DLG2: variants seen among roughly 807,000 people sequenced by gnomAD.
DLG2 encodes the protein discs large MAGUK scaffold protein 2, also known as disks large homolog 2.
Under a neutral mutation model 132.5 loss-of-function variants are expected in DLG2, and 45 were observed. That is an observed-to-expected ratio of 0.34 (90% CI 0.27 to 0.44). The LOEUF is 0.44. Ranked by LOEUF, DLG2 falls within the 20% of genes least tolerant of loss-of-function variation. DLG2 has a pLI of 1.00. For missense variants in DLG2, 1,045 were observed against 1,196.9 expected (o/e 0.87, Z 1.87); for synonymous variants, 424 against 419.6 (o/e 1.01, Z -0.13).
chr11:84,164,630 A>C (rs2095620901), intron 8 of DLG2, among the ~76,000 whole-genome samples: 1 of 152,220 alleles, frequency 6.6e-6, no homozygotes, highest in Admixed American at 6.5e-5. Context: ...CTAAGTAATT[A>C]ATTTACTTGT....
intron 11 of DLG2, among the ~76,000 whole-genome samples, chr11:84,037,492 A>T (rs1259964718): frequency 6.6e-6 from 1 of 152,156 alleles, no homozygotes; most frequent in East Asian, 1.9e-4. Flanking sequence ...GAATCTGTTC[A>T]GACTGTTTAT....
chr11:85,618,973 T>G (rs2081522957), intron 2 of DLG2, among the ~76,000 whole-genome samples: 1 of 152,236 alleles, frequency 6.6e-6, no homozygotes, highest in Non-Finnish European at 1.5e-5. Context: ...TCCCAATAGA[T>G]ATGTAAAATA....
intron 18 of DLG2, among the ~76,000 whole-genome samples, chr11:83,706,571 G>A (rs1473891397): frequency 6.6e-6 from 1 of 152,190 alleles, no homozygotes; most frequent in African/African-American, 2.4e-5. Flanking sequence ...TTCATTTTGA[G>A]CAGTGATCCT....
intron 6 of DLG2, among the ~76,000 whole-genome samples, chr11:84,678,381 C>A (rs972288171): frequency 3.3e-5 from 5 of 151,998 alleles, no homozygotes; most frequent in African/African-American, 1.2e-4. Context: ...GGTTAGCACA[C>A]CAGGGAGACA....
chr11:83,869,714 C>G (rs76742274), intron 16 of DLG2, among the ~76,000 whole-genome samples: 1 of 152,140 alleles, frequency 6.6e-6, no homozygotes, highest in African/African-American at 2.4e-5. Context: ...GTTAGACAAA[C>G]TATTTATTCC....
At chr11:83,610,267 C>A (rs564704124) in intron 19 of DLG2, among the ~76,000 whole-genome samples, 1 of 152,208 alleles carries the variant, frequency 6.6e-6, no homozygotes, top group East Asian at 1.9e-4. Flanking sequence ...ACGTGAAAAA[C>A]ATCTAAAAGC....
At chr11:84,578,807 C>A (rs988831013) in intron 6 of DLG2, among the ~76,000 whole-genome samples, 40 of 152,000 alleles carry the variant, frequency 2.6e-4, no homozygotes, top group Admixed American at 2.6e-3. Flanking sequence ...TTTGAGGGGC[C>A]AGGGGTAGAA....
chr11:84,105,760 A>G (rs1303648596), intron 9 of DLG2, among the ~76,000 whole-genome samples: 3 of 152,108 alleles, frequency 2.0e-5, no homozygotes, highest in Non-Finnish European at 4.4e-5. Context: ...TCTATTTGAT[A>G]AATATTGAAA....
intron 6 of DLG2, among the ~76,000 whole-genome samples, chr11:84,919,300 G>GA (rs1415704501): frequency 6.6e-6 from 1 of 151,978 alleles, no homozygotes; most frequent in South Asian, 2.1e-4. Flanking sequence ...TCACAGATGA[G>GA]AAAAAACTAA....
chr11:85,358,119 G>A (rs1171210710), intron 3 of DLG2, among the ~76,000 whole-genome samples: 2 of 152,006 alleles, frequency 1.3e-5, no homozygotes, highest in Non-Finnish European at 1.5e-5. Context: ...GGGAAGAAGA[G>A]AAGAAGGAAA....
intron 4 of DLG2, among the ~76,000 whole-genome samples, chr11:85,210,609 T>C (rs2082194051): frequency 6.6e-6 from 1 of 152,126 alleles, no homozygotes; most frequent in Admixed American, 6.6e-5. Flanking sequence ...AAGAACTTTC[T>C]TGGGGAGCAA....
intron 6 of DLG2, among the ~76,000 whole-genome samples, chr11:84,596,190 G>GTCTGTC (rs2099556423): frequency 6.9e-6 from 1 of 144,734 alleles, no homozygotes. Flanking sequence ...TCTTTTCTCT[G>GTCTGTC]TCTCTCTCTC....
chr11:84,475,502 A>T (rs1190552817), intron 7 of DLG2, among the ~76,000 whole-genome samples: 1 of 152,080 alleles, frequency 6.6e-6, no homozygotes, highest in South Asian at 2.1e-4. Context: ...GTTTTCTGGC[A>T]CTTGTTCAAA....
At chr11:84,239,090 A>C (rs1039312102) in intron 8 of DLG2, among the ~76,000 whole-genome samples, 2 of 152,200 alleles carry the variant, frequency 1.3e-5, no homozygotes, top group South Asian at 2.1e-4. Context: ...AAATTCAAAT[A>C]AACAATTGAG....
chr11:85,283,897 A>C (rs1422190972), intron 4 of DLG2, among the ~76,000 whole-genome samples: 1 of 151,856 alleles, frequency 6.6e-6, no homozygotes, highest in African/African-American at 2.4e-5. Flanking sequence ...AAAAAAAAAA[A>C]AAAGCAATGG....
chr11:83,776,260 C>A (rs978486723), intron 18 of DLG2, among the ~76,000 whole-genome samples: 6 of 152,150 alleles, frequency 3.9e-5, no homozygotes, highest in Admixed American at 6.5e-5. Context: ...GGTTTTATCA[C>A]CTACATCCTT....
At chr11:85,088,474 T>C (rs2068278782) in intron 6 of DLG2, among the ~76,000 whole-genome samples, 1 of 152,214 alleles carries the variant, frequency 6.6e-6, no homozygotes, top group Non-Finnish European at 1.5e-5. Context: ...GAGAATCATA[T>C]AAACATTCAA....
At chr11:84,468,852 C>A (rs959054946) in intron 7 of DLG2, among the ~76,000 whole-genome samples, 15 of 151,542 alleles carry the variant, frequency 9.9e-5, no homozygotes, top group Non-Finnish European at 1.5e-5. Context: ...TGCTATTTAG[C>A]CTTTCATAAC....
intron 9 of DLG2, among the ~76,000 whole-genome samples, chr11:84,123,945 G>C (rs1412949378): frequency 6.6e-6 from 1 of 152,140 alleles, no homozygotes; most frequent in Non-Finnish European, 1.5e-5. Flanking sequence ...AACTAAGCAA[G>C]AAATTGTCAA....
Sources: gnomAD v4.1 joint callset for allele counts (sites outside exome capture counted in the v4.1 genomes callset) on GRCh38, gnomAD v4.1.1 for gene constraint, MANE v1.5 for transcripts, NCBI Gene and HGNC (gene_info 2026-07-23, HGNC 2026-07-21) for gene names.